The following PRKCH variants were observed in gnomAD, a reference collection of about 807,000 sequenced individuals.
The protein encoded by PRKCH is protein kinase C eta.
Under a neutral mutation model 82.5 loss-of-function variants are expected in PRKCH, and 28 were observed. The ratio of observed to expected loss-of-function variants is 0.34; its 90% CI spans 0.25 to 0.47. PRKCH has a LOEUF of 0.47. PRKCH is among the 20% of genes least tolerant of loss of function. PRKCH has a pLI of 1.00. For missense variants in PRKCH, 705 were observed against 881.8 expected, an observed-to-expected ratio of 0.80 and a Z score of 2.54; for synonymous variants, 322 against 327.4, an observed-to-expected ratio of 0.98 and a Z score of 0.18.
At chr14:61,472,328 C>A (rs1885542167) in intron 9 of PRKCH, among the ~76,000 whole-genome samples, 1 of 152,230 alleles carries the variant, frequency 6.6e-6, no homozygotes, top group Non-Finnish European at 1.5e-5. Flanking sequence ...TTTCACTTTA[C>A]CAGCAAGGCA....
chr14:61,262,389 G>A (rs369110442), intron 1 of PRKCH, among the ~76,000 whole-genome samples: 5 of 152,208 alleles, frequency 3.3e-5, no homozygotes, highest in South Asian at 4.1e-4. Flanking sequence ...CAGTATGATA[G>A]AGAATCTCAA....
intron 4 of PRKCH, among the ~76,000 whole-genome samples, chr14:61,446,756 G>A (rs1356213802): frequency 6.6e-6 from 1 of 152,226 alleles, no homozygotes; most frequent in Non-Finnish European, 1.5e-5. Context: ...TTTGTGGCAT[G>A]GGCCTGTGAG....
chr14:61,429,690 G>A (rs1223811964), intron 2 of PRKCH, among the ~76,000 whole-genome samples: 1 of 151,872 alleles, frequency 6.6e-6, no homozygotes, highest in East Asian at 1.9e-4. Context: ...AAAGACGCCA[G>A]GAAAATAAAA....
chr14:61,511,980 A>C (rs1262216069), intron 10 of PRKCH, among the ~76,000 whole-genome samples: 1 of 152,178 alleles, frequency 6.6e-6, no homozygotes, highest in Non-Finnish European at 1.5e-5. Flanking sequence ...GACAGGTAAA[A>C]TGTTCTACTT....
chr14:61,203,985 C>A (rs1217303628), intron 1 of PRKCH, among the ~76,000 whole-genome samples: 1 of 151,964 alleles, frequency 6.6e-6, no homozygotes, highest in East Asian at 1.9e-4. Context: ...TAATAAGATT[C>A]CCAAGTAATT....
intron 2 of PRKCH, among the ~76,000 whole-genome samples, chr14:61,409,742 T>C (rs1255599520): frequency 6.8e-6 from 1 of 148,120 alleles, no homozygotes; most frequent in East Asian, 2.0e-4. Flanking sequence ...TTAATGTTTA[T>C]AAGGTGTTTC....
chr14:61,270,766 A>C (rs569533077), intron 1 of PRKCH, among the ~76,000 whole-genome samples: 2 of 152,296 alleles, frequency 1.3e-5, no homozygotes, highest in East Asian at 3.9e-4. Flanking sequence ...TAAACCCAGG[A>C]GTTGGAGGCC....
rs568155942 is a variant in PRKCH at position 61,333,252 on chromosome 14, G to A, written c.363+10788G>A. 5.8e-4 allele frequency among the ~76,000 whole-genome samples: 88 copies of A among 152,258 alleles called. 1 individual carries two copies. Among genetic ancestry groups the A allele is most frequent in the South Asian group, 2.1e-3 (10 of 4,822 alleles). Reference sequence around the variant, plus strand: ...CCCTAGACCCTTTTAGAGATGATGAGAGCTATGGAGCTGTTTCTGGAAAAA... The same window carrying A: ...CCCTAGACCCTTTTAGAGATGATGAAAGCTATGGAGCTGTTTCTGGAAAAA... On this transcript the variant is annotated intron_variant, in intron 1 of 13. Transcript: ENST00000332981.
chr14:61,545,803 C>T (rs961875188), intron 12 of PRKCH, among the ~76,000 whole-genome samples: 2 of 152,166 alleles, frequency 1.3e-5, no homozygotes, highest in East Asian at 1.9e-4. Flanking sequence ...TTCCACAGTG[C>T]CCCATGGAAG....
At chr14:61,307,360 T>C (rs1158230328) in intron 1 of PRKCH, 6 of 152,222 alleles carry the variant, frequency 3.9e-5, no homozygotes, top group Non-Finnish European at 5.9e-5. Flanking sequence ...AGGTGATATA[T>C]ACATCATCAA....
intron 1 of PRKCH, among the ~76,000 whole-genome samples, chr14:61,228,767 A>G (rs1427187270): frequency 3.3e-5 from 5 of 152,144 alleles, no homozygotes; most frequent in African/African-American, 4.8e-5. Flanking sequence ...TGTGTCAGGT[A>G]CCGTGGCTCA....
chr14:61,198,494 A>C (rs2044456614), intron 1 of PRKCH, among the ~76,000 whole-genome samples: 1 of 152,080 alleles, frequency 6.6e-6, no homozygotes, highest in Non-Finnish European at 1.5e-5. Flanking sequence ...GGAATTATTG[A>C]CCTCTTCGTT....
At chr14:61,188,710 TG>T (rs2044387455) in intron 1 of PRKCH, among the ~76,000 whole-genome samples, 1 of 136,114 alleles carries the variant, frequency 7.3e-6, no homozygotes, top group African/African-American at 3.1e-5. Context: ...CTGTAGTGTG[TG>T]TGTGTGTGTG....
intron 1 of PRKCH, among the ~76,000 whole-genome samples, chr14:61,207,617 C>T (rs1329728142): frequency 6.6e-6 from 1 of 152,058 alleles, no homozygotes; most frequent in Non-Finnish European, 1.5e-5. Flanking sequence ...AATTATGGAT[C>T]CATTAAGAGC....
intron 1 of PRKCH, among the ~76,000 whole-genome samples, chr14:61,350,638 G>C (rs1391155605): frequency 6.6e-6 from 1 of 152,068 alleles, no homozygotes; most frequent in African/African-American, 2.4e-5. Context: ...CCCCATGGAG[G>C]GGTCATAACA....
At chr14:61,389,700 A>AG (rs2046645483) in intron 1 of PRKCH, among the ~76,000 whole-genome samples, 2 of 144,298 alleles carry the variant, frequency 1.4e-5, no homozygotes, top group African/African-American at 5.2e-5. Flanking sequence ...CCCTGTCTCA[A>AG]AAAAAAAAAA....
At chr14:61,394,907 C>T (rs1949740373) in intron 2 of PRKCH, among the ~76,000 whole-genome samples, 1 of 152,108 alleles carries the variant, frequency 6.6e-6, no homozygotes, top group African/African-American at 2.4e-5. Context: ...GCCCAGTGGT[C>T]CCTGTCCAGA....
chr14:61,406,976 C>T (rs7160675), intron 2 of PRKCH, among the ~76,000 whole-genome samples: 102,808 of 151,556 alleles, frequency 0.68, 35,206 homozygotes, highest in East Asian at 0.8. Flanking sequence ...CATGACTTCC[C>T]GCATCCACTA....
At chr14:61,414,763 G>A (rs1421908699) in intron 2 of PRKCH, among the ~76,000 whole-genome samples, 1 of 152,176 alleles carries the variant, frequency 6.6e-6, no homozygotes, top group Non-Finnish European at 1.5e-5. Context: ...ACAGGCATGA[G>A]CCACTGTGCC....
Sources: gnomAD v4.1 joint callset for allele counts (sites outside exome capture counted in the v4.1 genomes callset) on GRCh38, gnomAD v4.1.1 for gene constraint, MANE v1.5 for transcripts, NCBI Gene and HGNC (gene_info 2026-07-23, HGNC 2026-07-21) for gene names.